Variants in STXBP5L observed in about 807,000 individuals in gnomAD.
STXBP5L encodes the protein syntaxin-binding protein 5-like.
STXBP5L carries 65 observed loss-of-function variants against 144.5 expected under a neutral mutation model. The observed-to-expected ratio is 0.45, with a 90% CI of 0.37 to 0.55. The LOEUF is 0.55. STXBP5L is among the 20% of genes least tolerant of loss of function. STXBP5L has a pLI of 0.00. For missense variants in STXBP5L, 1,298 were observed against 1,405.5 expected, an observed-to-expected ratio of 0.92 and a Z score of 1.22; for synonymous variants, 505 against 469.6, an observed-to-expected ratio of 1.08 and a Z score of -0.97.
rs139450597 is a variant in STXBP5L, at chr3:121,005,275, C to T, written c.288-36425C>T. On this transcript the variant is annotated intron_variant, in intron 3 of 26. Transcript: ENST00000471454. ...ATATTCAACTTCTTCCTTATTTAGT[C>T]TTGAGAGGGTGTATGTGTCCAGGAA... Among the ~76,000 whole-genome samples the T allele has an allele frequency of 1.9e-3, 296 of 152,192 alleles. 3 individuals carry two copies. The highest frequency in any genetic ancestry group is 5.2e-3 in the Admixed American group (79 of 15,280).
chr3:121,288,038 A>G (rs1382486649), intron 19 of STXBP5L, among the ~76,000 whole-genome samples: 1 of 152,224 alleles, frequency 6.6e-6, no homozygotes, highest in Non-Finnish European at 1.5e-5. Context: ...AACTGATTCT[A>G]AAGTTCATAC....
chr3:121,332,791 A>G (rs1036995116), intron 20 of STXBP5L, among the ~76,000 whole-genome samples: 12 of 152,072 alleles, frequency 7.9e-5, no homozygotes, highest in African/African-American at 2.4e-4. Context: ...ATCCATTGCA[A>G]AAAGGACATC....
chr3:121,234,436 T>C (rs1215554500), intron 12 of STXBP5L, among the ~76,000 whole-genome samples: 1 of 152,204 alleles, frequency 6.6e-6, no homozygotes, highest in East Asian at 1.9e-4. Flanking sequence ...CTATATAATT[T>C]GGCCACATAT....
At chr3:120,952,466 G>A (rs1376116873) in intron 2 of STXBP5L, among the ~76,000 whole-genome samples, 2 of 151,372 alleles carry the variant, frequency 1.3e-5, no homozygotes, top group Non-Finnish European at 2.9e-5. Context: ...TTTTATTTTT[G>A]GATAGTTTAT....
intron 20 of STXBP5L, among the ~76,000 whole-genome samples, chr3:121,377,534 C>A (rs2046218599): frequency 6.6e-6 from 1 of 152,144 alleles, no homozygotes; most frequent in South Asian, 2.1e-4. Flanking sequence ...TGTGAACAGA[C>A]ACTTCTCAAA....
rs1237918751 is a variant in STXBP5L, at chr3:121,238,966, A to G, written c.1185-5A>G. 6 of 1,569,440 alleles carry G rather than the reference A, an allele frequency of 3.8e-6. No homozygotes were observed. In the East Asian group the frequency reaches 6.9e-5, roughly 18 times the overall value. ...TAACACTGATATATTGTCTTTATCT[A>G]TTAGTTTTCCAATCTTTGAAAATCC... On this transcript the variant is annotated splice_polypyrimidine_tract_variant and splice_region_variant and intron_variant, in intron 12 of 26. Transcript: ENST00000471454.
chr3:121,100,788 T>C (rs113284057), intron 5 of STXBP5L, among the ~76,000 whole-genome samples: 2,925 of 148,100 alleles, frequency 0.02, 88 homozygotes, highest in African/African-American at 0.067. Flanking sequence ...ATCCACACAA[T>C]ATATCGACAA....
chr3:121,302,209 C>T (rs1467929989), intron 19 of STXBP5L, among the ~76,000 whole-genome samples: 1 of 151,944 alleles, frequency 6.6e-6, no homozygotes, highest in Non-Finnish European at 1.5e-5. Context: ...TAATTATTGC[C>T]TCAATTTCAG....
At chr3:121,005,056 C>G (rs929537468) in intron 3 of STXBP5L, among the ~76,000 whole-genome samples, 1 of 152,098 alleles carries the variant, frequency 6.6e-6, no homozygotes, top group Non-Finnish European at 1.5e-5. Context: ...CAGGATAATG[C>G]TGGCTTCATA....
At chr3:120,945,849 G>C (rs1710827478) in intron 2 of STXBP5L, among the ~76,000 whole-genome samples, 1 of 151,720 alleles carries the variant, frequency 6.6e-6, no homozygotes, top group African/African-American at 2.4e-5. Flanking sequence ...ATTTCTCTTG[G>C]AGTTGTTTTA....
intron 18 of STXBP5L, among the ~76,000 whole-genome samples, chr3:121,262,796 A>G (rs114684225): frequency 0.01 from 1,567 of 152,312 alleles, 11 homozygotes; most frequent in Middle Eastern, 0.017. Context: ...AAGAATTAGG[A>G]AAAAAGAAAG....
intron 14 of STXBP5L, 92 bp from the exon 15 acceptor site, chr3:121,250,631 G>C (rs1311343937): frequency 9.7e-7 from 1 of 1,033,600 alleles, no homozygotes; most frequent in South Asian, 1.5e-5. Flanking sequence ...AATCAAAATT[G>C]TATCAACAGT....
intron 20 of STXBP5L, among the ~76,000 whole-genome samples, chr3:121,359,465 T>G (rs1022226458): frequency 6.6e-6 from 1 of 152,126 alleles, no homozygotes; most frequent in Non-Finnish European, 1.5e-5. Flanking sequence ...CTTGATGTGA[T>G]CTCATTTGTT....
chr3:121,361,702 C>G (rs977544433), intron 20 of STXBP5L, among the ~76,000 whole-genome samples: 1 of 151,648 alleles, frequency 6.6e-6, no homozygotes, highest in Non-Finnish European at 1.5e-5. Flanking sequence ...CCTATGTTAT[C>G]TCGAATTTTT....
chr3:120,990,765 C>G (rs1942768851), intron 3 of STXBP5L, among the ~76,000 whole-genome samples: 1 of 152,170 alleles, frequency 6.6e-6, no homozygotes, highest in African/African-American at 2.4e-5. Context: ...GCTGGGAAAA[C>G]TGGCTAGCCA....
intron 18 of STXBP5L, among the ~76,000 whole-genome samples, chr3:121,261,495 T>C (rs2050379763): frequency 6.6e-6 from 1 of 152,208 alleles, no homozygotes; most frequent in African/African-American, 2.4e-5. Context: ...GTCTATATCA[T>C]TTATGAACAT....
chr3:121,068,518 T>C (rs991711741), intron 5 of STXBP5L, among the ~76,000 whole-genome samples: 6 of 152,182 alleles, frequency 3.9e-5, no homozygotes, highest in African/African-American at 1.2e-4. Context: ...ATAACTCTTT[T>C]TGAGGATTTC....
chr3:120,966,328 G>A (rs564364878), intron 3 of STXBP5L, among the ~76,000 whole-genome samples: 18 of 152,272 alleles, frequency 1.2e-4, no homozygotes, highest in African/African-American at 3.8e-4. Flanking sequence ...CGTTGCTGGC[G>A]AGGAGCTGTG....
intron 4 of STXBP5L, among the ~76,000 whole-genome samples, chr3:121,044,367 G>T (rs1033176827): frequency 2.6e-5 from 4 of 152,106 alleles, no homozygotes; most frequent in Non-Finnish European, 5.9e-5. Flanking sequence ...AGGGCATTTA[G>T]ATTCCTATCT....
Sources: gnomAD v4.1 joint callset for allele counts (sites outside exome capture counted in the v4.1 genomes callset) on GRCh38, gnomAD v4.1.1 for gene constraint, MANE v1.5 for transcripts, NCBI Gene and HGNC (gene_info 2026-07-23, HGNC 2026-07-21) for gene names.